Variants in DSE observed in about 807,000 individuals in gnomAD.
The protein encoded by DSE is dermatan sulfate epimerase.
A neutral mutation model predicts 84.4 loss-of-function variants in DSE; 36 were observed. The ratio of observed to expected loss-of-function variants is 0.43; its 90% CI spans 0.33 to 0.56. The LOEUF is 0.56. DSE is among the 20% of genes least tolerant of loss of function. The probability of loss-of-function intolerance (pLI) is 0.06; values close to 1 mark genes in which losing one functional copy is unlikely to be tolerated. For missense variants in DSE, 862 were observed against 1,169.6 expected (o/e 0.74, Z 3.84); for synonymous variants, 410 against 430.1 (o/e 0.95, Z 0.58).
intron 2 of DSE, among the ~76,000 whole-genome samples, chr6:116,362,036 A>C (rs561491639): frequency 2.0e-5 from 3 of 152,360 alleles, no homozygotes; most frequent in Non-Finnish European, 4.4e-5. Flanking sequence ...AAAGACCCTC[A>C]GAGATATTCT....
chr6:116,428,024 A>G (rs1783563487), intron 3 of DSE, among the ~76,000 whole-genome samples: 1 of 152,210 alleles, frequency 6.6e-6, no homozygotes, highest in Admixed American at 6.5e-5. Flanking sequence ...TCCCGTCTCT[A>G]CTAAAAATAC....
At chr6:116,368,778 G>C (rs1401320728), upstream of DSE, among the ~76,000 whole-genome samples, 1 of 152,198 alleles carries the variant, frequency 6.6e-6, no homozygotes, top group Non-Finnish European at 1.5e-5. Context: ...CTCCTCCTGA[G>C]AGCTTTCCTA....
In DSE at chr6:116,386,557, C is replaced by T. The variant is rs1274781015; in HGVS notation, c.-53-12641C>T. On this transcript the variant is annotated intron_variant, in intron 1 of 5. Coordinates refer to ENST00000644252, the MANE Select transcript of DSE (RefSeq NM_013352.4). ...ACAATGTGTGCCAATACATGCAAAG[C>T]GTTGCTAGCCAGGGAAGCTCACCTG... 2.6e-5 allele frequency among the ~76,000 whole-genome samples: 4 copies of T among 152,214 alleles called. No individual in the cohort carries two copies. In the East Asian group the frequency reaches 7.7e-4, roughly 29 times the overall value.
intron 2 of DSE, among the ~76,000 whole-genome samples, chr6:116,291,590 T>TTA (rs959565873): frequency 8.0e-5 from 12 of 150,884 alleles, no homozygotes; most frequent in Admixed American, 4.6e-4. Flanking sequence ...TTAAATATAA[T>TTA]TATATATATA....
At chr6:116,397,838 A>G (rs1402846122) in intron 1 of DSE, among the ~76,000 whole-genome samples, 1 of 152,218 alleles carries the variant, frequency 6.6e-6, no homozygotes, top group Non-Finnish European at 1.5e-5. Context: ...AACCACTGCC[A>G]TCGAGTTTCA....
chr6:116,423,421 T>C (rs988959753), intron 2 of DSE, among the ~76,000 whole-genome samples: 4 of 152,208 alleles, frequency 2.6e-5, no homozygotes. Flanking sequence ...AAGCTGGAAA[T>C]TGTGGTGATG....
intron 2 of DSE, among the ~76,000 whole-genome samples, chr6:116,407,134 G>A (rs1781980885): frequency 1.3e-5 from 2 of 152,122 alleles, no homozygotes; most frequent in Admixed American, 1.3e-4. Context: ...ACAGATTCCT[G>A]GGTTTCGCCC....
Position 116,437,498 on chromosome 6 carries a change from G to C in DSE, c.*153G>C. 1 of 683,288 alleles carries C rather than the reference G, an allele frequency of 1.5e-6. No homozygotes were observed. The highest frequency in any genetic ancestry group is 2.3e-5 in the South Asian group (1 of 43,690). 42.3% of individuals were successfully genotyped at this position (683,288 alleles called of 1,614,324 possible). On this transcript the variant is annotated 3_prime_UTR_variant, in exon 6 of 6. Transcript: ENST00000644252. ...TTTGACACAAGAAAGCAGGAACGTG[G>C]AGAAATTGGAGCAGGAAAAGAAATT...
At chr6:116,422,502 G>T (rs1477721727) in intron 2 of DSE, among the ~76,000 whole-genome samples, 1 of 152,216 alleles carries the variant, frequency 6.6e-6, no homozygotes, top group African/African-American at 2.4e-5. Flanking sequence ...AGCTAGCTCA[G>T]CTCTCAACTC....
chr6:116,320,328 T>C (rs927659682), intron 2 of DSE, among the ~76,000 whole-genome samples: 1 of 152,004 alleles, frequency 6.6e-6, no homozygotes, highest in Non-Finnish European at 1.5e-5. Context: ...TGAATCTTGT[T>C]TTCTCCTTTG....
intron 2 of DSE, among the ~76,000 whole-genome samples, chr6:116,302,661 T>C (rs1261023254): frequency 6.6e-6 from 1 of 152,216 alleles, no homozygotes; most frequent in Non-Finnish European, 1.5e-5. Context: ...CCTATTTGTC[T>C]ATTTTAGCTT....
chr6:116,316,749 A>G (rs930589709), intron 2 of DSE, among the ~76,000 whole-genome samples: 7 of 151,940 alleles, frequency 4.6e-5, no homozygotes, highest in African/African-American at 1.5e-4. Context: ...AAAGGAAGAT[A>G]TTTAACAAAT....
intron 1 of DSE, among the ~76,000 whole-genome samples, chr6:116,391,504 C>T (rs1211109999): frequency 4.6e-5 from 7 of 152,122 alleles, no homozygotes; most frequent in African/African-American, 1.7e-4. Context: ...CTGTGGCTCA[C>T]GCCTGTAATC....
At chr6:116,363,615 T>G (rs1779020972) in intron 2 of DSE, among the ~76,000 whole-genome samples, 1 of 152,200 alleles carries the variant, frequency 6.6e-6, no homozygotes, top group Non-Finnish European at 1.5e-5. Context: ...GAAAGTTTAT[T>G]AAAGATTTCA....
chr6:116,352,656 G>A (rs1418870505), intron 2 of DSE, among the ~76,000 whole-genome samples: 1 of 151,948 alleles, frequency 6.6e-6, no homozygotes, highest in Admixed American at 6.6e-5. Context: ...AACCACCACA[G>A]CCTCAGATGT....
intron 2 of DSE, among the ~76,000 whole-genome samples, chr6:116,291,236 CTA>C (rs1774262956): frequency 6.6e-6 from 1 of 151,960 alleles, no homozygotes; most frequent in Non-Finnish European, 1.5e-5. Flanking sequence ...AATTATAATA[CTA>C]GGAGAGTGTT....
chr6:116,383,705 G>A (rs1780393762), intron 1 of DSE, among the ~76,000 whole-genome samples: 1 of 152,008 alleles, frequency 6.6e-6, no homozygotes. Context: ...TTACAGTCCT[G>A]GGAGATAGAT....
At chr6:116,359,626 AAGTT>A (rs1465958132) in intron 2 of DSE, among the ~76,000 whole-genome samples, 17 of 152,352 alleles carry the variant, frequency 1.1e-4, no homozygotes, top group East Asian at 1.9e-4. Flanking sequence ...GGATAAATAA[AAGTT>A]AGTATTATTC....
At chr6:116,409,501 G>A (rs9400911) in intron 2 of DSE, among the ~76,000 whole-genome samples, 20,755 of 151,984 alleles carry the variant, frequency 0.14, 1,740 homozygotes, top group South Asian at 0.25. Flanking sequence ...GGATGGTCTC[G>A]ATCTCCTGAC....
Sources: allele counts gnomAD v4.1 joint callset (sites outside exome capture counted in the v4.1 genomes callset), GRCh38; gene constraint gnomAD v4.1.1; transcripts MANE v1.5; gene names NCBI Gene and HGNC (gene_info 2026-07-23, HGNC 2026-07-21).